Variants in MYO5B observed in about 807,000 individuals in gnomAD.
The protein encoded by MYO5B is myosin VB.
In MYO5B, 143 loss-of-function variants were observed where a neutral mutation model predicts 229.3. That is an observed-to-expected ratio of 0.62 (90% confidence interval 0.54 to 0.72). The LOEUF (loss-of-function observed/expected upper bound fraction) is 0.72. Ranked by LOEUF, MYO5B falls within the 30% of genes least tolerant of loss-of-function variation. The pLI is 0.00. For synonymous variants in MYO5B, 918 were observed against 885.2 expected, an observed-to-expected ratio of 1.04 and a Z score of -0.66; for missense variants, 2,321 against 2,331.0, an observed-to-expected ratio of 1.00 and a Z score of 0.09.
chr18:50,120,971 G>A (rs2032049227), intron 1 of MYO5B, among the ~76,000 whole-genome samples: 1 of 152,170 alleles, frequency 6.6e-6, no homozygotes, highest in Non-Finnish European at 1.5e-5. Flanking sequence ...CCTCCAGCCT[G>A]CCCTCCAGCC....
chr18:49,859,242 C>T (rs559134677), intron 29 of MYO5B, among the ~76,000 whole-genome samples: 50 of 152,334 alleles, frequency 3.3e-4, no homozygotes, highest in African/African-American at 6.5e-4. Flanking sequence ...ACTGAATTAT[C>T]GCAAAGGTTT....
intron 9 of MYO5B, 121 bp from the exon 10 acceptor site, chr18:49,974,736 C>T (rs889303207): frequency 7.8e-6 from 9 of 1,148,364 alleles, no homozygotes; most frequent in African/African-American, 1.5e-5. Flanking sequence ...CCCAGCCCTC[C>T]AGAATCCCAG....
At chr18:49,973,737 C>T (rs1421124794) in intron 10 of MYO5B, among the ~76,000 whole-genome samples, 2 of 152,116 alleles carry the variant, frequency 1.3e-5, no homozygotes, top group East Asian at 1.9e-4. Context: ...GACAGTCTCC[C>T]GATGGCTAGG....
At chr18:50,009,760 G>A (rs1042482920) in intron 4 of MYO5B, among the ~76,000 whole-genome samples, 6 of 152,196 alleles carry the variant, frequency 3.9e-5, no homozygotes, top group African/African-American at 1.2e-4. Context: ...CATTTCTGCT[G>A]CAAGAAGGGG....
chr18:49,989,883 C>T lies in MYO5B; in HGVS notation c.838+556G>A, dbSNP rs370660939. Among the ~76,000 whole-genome samples the T allele has an allele frequency of 8.5e-5, 13 of 152,316 alleles. 1 individual carries two copies. The South Asian group carries it at 1.0e-3, about 12-fold the overall frequency. On this transcript the variant is annotated intron_variant, in intron 7 of 39. Coordinates refer to ENST00000285039, the MANE Select transcript of MYO5B (RefSeq NM_001080467.3). ...TGAGGATGTGCTAGAAGCTTCCATG[C>T]CAGTCCACGAGAGATCAGATGGCCT...
Position 50,063,240 on chromosome 18 carries a change from G to A in MYO5B, c.28-7862C>T, listed in dbSNP as rs535664021. On this transcript the variant is annotated intron_variant, in intron 1 of 39. Transcript: ENST00000285039. ...CGGCGAGCCATGCTTCTGAGTTTCCGTTTACTCATTTCCATTAAAGTCTTC... is the reference window on the plus strand; with the variant it reads ...CGGCGAGCCATGCTTCTGAGTTTCCATTTACTCATTTCCATTAAAGTCTTC... Among the ~76,000 whole-genome samples the A allele has an allele frequency of 5.9e-5, 9 of 152,220 alleles. No individual in the cohort carries two copies. The South Asian group carries it at 6.2e-4, about 11-fold the overall frequency.
At chr18:50,133,147 G>A (rs1406790648) in intron 1 of MYO5B, among the ~76,000 whole-genome samples, 1 of 152,184 alleles carries the variant, frequency 6.6e-6, no homozygotes, top group South Asian at 2.1e-4. Context: ...GGAGGAGTGA[G>A]TCTCAAGTTC....
chr18:49,873,604 G>A (rs999213805), intron 26 of MYO5B, among the ~76,000 whole-genome samples: 1 of 152,228 alleles, frequency 6.6e-6, no homozygotes, highest in Non-Finnish European at 1.5e-5. Flanking sequence ...TGCTGCTCCG[G>A]TGAGAGTTCT....
chr18:50,116,414 C>T (rs1347177981), intron 1 of MYO5B, among the ~76,000 whole-genome samples: 1 of 152,170 alleles, frequency 6.6e-6, no homozygotes, highest in Non-Finnish European at 1.5e-5. Flanking sequence ...AAGAGGAAAG[C>T]TCAGGCATGA....
intron 10 of MYO5B, among the ~76,000 whole-genome samples, chr18:49,965,175 T>G (rs1411495963): frequency 6.6e-6 from 1 of 152,018 alleles, no homozygotes; most frequent in Admixed American, 6.6e-5. Flanking sequence ...AATAGAAAGG[T>G]TCTGGGCATG....
At chr18:50,110,545 T>C (rs2031847201) in intron 1 of MYO5B, among the ~76,000 whole-genome samples, 1 of 152,202 alleles carries the variant, frequency 6.6e-6, no homozygotes. Context: ...CCTAGGTCTG[T>C]AGAGCTCCAA....
chr18:49,995,320 T>C (rs1197865030), intron 5 of MYO5B, among the ~76,000 whole-genome samples: 1 of 148,696 alleles, frequency 6.7e-6, no homozygotes, highest in Admixed American at 6.7e-5. Flanking sequence ...AATGGTGTGA[T>C]CTCGGCTCAC....
intron 17 of MYO5B, among the ~76,000 whole-genome samples, chr18:49,913,536 C>T (rs1309811019): frequency 6.6e-6 from 1 of 152,140 alleles, no homozygotes; most frequent in Non-Finnish European, 1.5e-5. Context: ...CCCCCACCCA[C>T]TCTCATCTTC....
intron 17 of MYO5B, among the ~76,000 whole-genome samples, chr18:49,926,746 A>G (rs2025132510): frequency 6.6e-6 from 1 of 152,228 alleles, no homozygotes; most frequent in Non-Finnish European, 1.5e-5. Flanking sequence ...CCCACCACAG[A>G]TTTCATTCTA....
chr18:50,077,075 C>T (rs1318477632), intron 1 of MYO5B, among the ~76,000 whole-genome samples: 4 of 148,908 alleles, frequency 2.7e-5, no homozygotes, highest in Non-Finnish European at 5.9e-5. Context: ...TGTGAGGATG[C>T]CCTTGTTAAA....
At chr18:49,988,170 G>T (rs918447228) in intron 7 of MYO5B, among the ~76,000 whole-genome samples, 2 of 152,208 alleles carry the variant, frequency 1.3e-5, no homozygotes, top group Non-Finnish European at 2.9e-5. Context: ...GGGTGAAGAG[G>T]AGGAAGAAGG....
intron 4 of MYO5B, among the ~76,000 whole-genome samples, chr18:50,035,960 G>A (rs2026443659): frequency 6.6e-6 from 1 of 152,090 alleles, no homozygotes. Flanking sequence ...TTTTCACTGG[G>A]ATGAAAATGA....
chr18:50,058,832 A>G (rs1245971513), intron 1 of MYO5B, among the ~76,000 whole-genome samples: 2 of 152,132 alleles, frequency 1.3e-5, no homozygotes, highest in African/African-American at 2.4e-5. Flanking sequence ...AACACATAGT[A>G]AAATGTTTAC....
At chr18:50,160,875 C>T (rs929233173) in intron 1 of MYO5B, among the ~76,000 whole-genome samples, 1 of 152,152 alleles carries the variant, frequency 6.6e-6, no homozygotes. Flanking sequence ...TGTCCAACAC[C>T]CACCCCTCAG....
Sources: allele counts gnomAD v4.1 joint callset (sites outside exome capture counted in the v4.1 genomes callset), GRCh38; gene constraint gnomAD v4.1.1; transcripts MANE v1.5; gene names NCBI Gene and HGNC (gene_info 2026-07-23, HGNC 2026-07-21).